DOCK2: variants seen among roughly 807,000 people sequenced by gnomAD.
DOCK2 encodes the protein dedicator of cytokinesis protein 2.
In DOCK2, 87 loss-of-function variants were observed where a neutral mutation model predicts 248.9. That is an observed-to-expected ratio of 0.35 (90% CI 0.29 to 0.42). The LOEUF (loss-of-function observed/expected upper bound fraction) is 0.42, where lower values mean the gene tolerates loss of function less well. Among genes scored for constraint, DOCK2 ranks in the 10% least tolerant of loss-of-function variants. The pLI is 1.00. For synonymous variants in DOCK2, 805 were observed against 821.6 expected (o/e 0.98, Z 0.35); for missense variants, 1,747 against 2,300.2 (o/e 0.76, Z 4.92).
intron 8 of DOCK2, among the ~76,000 whole-genome samples, chr5:169,686,273 G>A (rs1462629616): frequency 3.3e-5 from 5 of 152,226 alleles, no homozygotes; most frequent in Admixed American, 1.3e-4. Context: ...CTCACTGCCT[G>A]CCACATTGAC....
chr5:169,882,597 C>T, intron 27 of DOCK2: 1 of 1,551,476 alleles, frequency 6.4e-7, no homozygotes, highest in Non-Finnish European at 8.7e-7. Context: ...GAATTACATT[C>T]AAAAGGACTT....
intron 23 of DOCK2, among the ~76,000 whole-genome samples, chr5:169,754,916 T>TATTATTA (rs371009467): frequency 6.9e-6 from 1 of 145,584 alleles, no homozygotes; most frequent in Non-Finnish European, 1.5e-5. Context: ...GGTTCCTATT[T>TATTATTA]TTTATTATTT....
intron 14 of DOCK2, 31 bp from the exon 15 acceptor site, chr5:169,708,138 C>T (rs1450966947): frequency 1.2e-6 from 2 of 1,607,654 alleles, no homozygotes; most frequent in Non-Finnish European, 1.7e-6. Context: ...ATTCTGTAGT[C>T]TTTTCCCTCA....
intron 27 of DOCK2, 131 bp from the exon 28 acceptor site, chr5:169,982,937 A>T (rs1777979361): frequency 1.2e-6 from 1 of 813,702 alleles, no homozygotes; most frequent in Non-Finnish European, 2.0e-6. Flanking sequence ...CTGCTATTAC[A>T]GTCCCAGGCA....
At chr5:169,670,955 G>C in intron 4 of DOCK2, 123 bp from the exon 5 acceptor site, 1 of 707,230 alleles carries the variant, frequency 1.4e-6, no homozygotes, top group Non-Finnish European at 2.4e-6. Flanking sequence ...GCTATTGGAG[G>C]TGTTTTAGTC....
intron 33 of DOCK2, among the ~76,000 whole-genome samples, chr5:170,022,651 T>G (rs887182079): frequency 2.6e-5 from 4 of 152,110 alleles, no homozygotes; most frequent in African/African-American, 9.7e-5. Context: ...CCAGGACACA[T>G]GCTAGTCAGA....
At chr5:170,024,864 A>G (rs1755850142) in intron 33 of DOCK2, among the ~76,000 whole-genome samples, 2 of 152,098 alleles carry the variant, frequency 1.3e-5, no homozygotes, top group Non-Finnish European at 2.9e-5. Context: ...GTATGGTATC[A>G]TTTGTCTCAC....
At chr5:169,883,764 A>C (rs1053441269) in intron 27 of DOCK2, 15 of 1,551,640 alleles carry the variant, frequency 9.7e-6, no homozygotes, top group Non-Finnish European at 1.7e-6. Flanking sequence ...TTGGATTCTT[A>C]GTGGTCCCAT....
intron 27 of DOCK2, among the ~76,000 whole-genome samples, chr5:169,920,842 A>T (rs1239668231): frequency 2.1e-5 from 3 of 141,540 alleles, no homozygotes; most frequent in Non-Finnish European, 3.0e-5. Flanking sequence ...TGTCTTTCTG[A>T]CCTCCACCCT....
intron 26 of DOCK2, among the ~76,000 whole-genome samples, chr5:169,824,250 T>C (rs1451807877): frequency 6.6e-6 from 1 of 152,174 alleles, no homozygotes; most frequent in Non-Finnish European, 1.5e-5. Context: ...ATGACTTTCT[T>C]CACAGAATTG....
At chr5:169,666,101 A>G (rs1758712688) in intron 2 of DOCK2, among the ~76,000 whole-genome samples, 1 of 152,180 alleles carries the variant, frequency 6.6e-6, no homozygotes, top group Non-Finnish European at 1.5e-5. Flanking sequence ...GGAAAGTTGA[A>G]GATCTAGGCA....
intron 27 of DOCK2, among the ~76,000 whole-genome samples, chr5:169,899,048 C>T (rs77279154): frequency 0.027 from 4,181 of 152,292 alleles, 69 homozygotes; most frequent in Non-Finnish European, 0.038. Context: ...TGAGACTTGG[C>T]TTCCTAATAC....
intron 22 of DOCK2, among the ~76,000 whole-genome samples, chr5:169,726,946 G>A (rs1762502773): frequency 6.6e-6 from 1 of 152,240 alleles, no homozygotes; most frequent in East Asian, 1.9e-4. Flanking sequence ...AGGCTAGCCA[G>A]GTGCGGTGGC....
intron 30 of DOCK2, 88 bp from the exon 31 acceptor site, chr5:170,008,409 A>G (rs1755148819): frequency 4.3e-6 from 6 of 1,381,498 alleles, no homozygotes; most frequent in South Asian, 1.2e-5. Flanking sequence ...GTCTTCTGCC[A>G]TCTTCATAAA....
In DOCK2 at chr5:169,949,368, G is replaced by A. The variant is rs185073389; in HGVS notation, c.2800-33700G>A. 8.5e-5 allele frequency among the ~76,000 whole-genome samples: 13 copies of A among 152,304 alleles called. No individual in the cohort carries two copies. In the East Asian group the frequency reaches 2.5e-3, roughly 29 times the overall value. ...AGCCTCATGGAGGCCCATGAGAGGA[G>A]AGATCCCATTCCATGTTCCTGGGGC... On this transcript the variant is annotated intron_variant, in intron 27 of 51. Transcript: ENST00000520908.
intron 25 of DOCK2, among the ~76,000 whole-genome samples, chr5:169,776,471 A>T (rs1464398085): frequency 6.6e-6 from 1 of 152,102 alleles, no homozygotes; most frequent in Non-Finnish European, 1.5e-5. Context: ...GGCCTGTATC[A>T]TATATTTTAT....
intron 34 of DOCK2, among the ~76,000 whole-genome samples, chr5:170,031,594 T>C (rs1253396647): frequency 6.6e-6 from 1 of 152,220 alleles, no homozygotes; most frequent in Non-Finnish European, 1.5e-5. Flanking sequence ...AAGTACTCAA[T>C]AAGTGGTAGT....
At position 170,057,564 on chromosome 5, in the gene DOCK2, C is replaced by G; in HGVS notation, c.4381-16C>G. ...TGTTGCTTTCCTGCCCTTGCCACCC[C>G]TCTGCCCACGGACAGTCCATGTGGA... On this transcript the variant is annotated splice_polypyrimidine_tract_variant and intron_variant, in intron 43 of 51. Transcript: ENST00000520908. 1 of 1,613,308 alleles carries G rather than the reference C, an allele frequency of 6.2e-7. No homozygotes were observed. The highest frequency in any genetic ancestry group is 8.5e-7 in the Non-Finnish European group (1 of 1,179,182).
At position 169,929,861 on chromosome 5, in the gene DOCK2, C is replaced by G. The variant is rs575952832; in HGVS notation, c.2800-53207C>G. On this transcript the variant is annotated intron_variant, in intron 27 of 51. Coordinates refer to ENST00000520908, the MANE Select transcript of DOCK2 (RefSeq NM_004946.3). ...GAGGATAGAAATCTTGTTTTGTGCT[C>G]CTTGTTTTGTGCTCCAATATGGTAG... Among the ~76,000 whole-genome samples, 6 of 152,080 alleles carry G rather than the reference C, an allele frequency of 3.9e-5. No individual in the cohort carries two copies. The East Asian group carries it at 1.2e-3, about 29-fold the overall frequency.
Sources: allele counts gnomAD v4.1 joint callset (sites outside exome capture counted in the v4.1 genomes callset), GRCh38; gene constraint gnomAD v4.1.1; transcripts MANE v1.5; gene names NCBI Gene and HGNC (gene_info 2026-07-23, HGNC 2026-07-21).